The following TNRC6B variants were observed in gnomAD, a reference collection of about 807,000 sequenced individuals.
The protein encoded by TNRC6B is trinucleotide repeat containing adaptor 6B, also known as trinucleotide repeat-containing gene 6B protein.
A neutral mutation model predicts 203.6 loss-of-function variants in TNRC6B; 52 were observed. The observed-to-expected ratio is 0.26, with a 90% CI of 0.20 to 0.32. The LOEUF is 0.32. TNRC6B is among the 10% of genes least tolerant of loss of function. The pLI is 1.00. For synonymous variants in TNRC6B, 838 were observed against 845.7 expected (o/e 0.99, Z 0.16); for missense variants, 1,923 against 2,286.2 (o/e 0.84, Z 3.24).
intron 1 of TNRC6B, among the ~76,000 whole-genome samples, chr22:40,211,825 G>T (rs1375767687): frequency 6.6e-6 from 1 of 152,172 alleles, no homozygotes; most frequent in African/African-American, 2.4e-5. Flanking sequence ...GAGGCTCTGG[G>T]AGGGGGAACC....
chr22:40,149,950 T>A (rs2068733645), intron 3 of TNRC6B, among the ~76,000 whole-genome samples: 2 of 151,966 alleles, frequency 1.3e-5, no homozygotes, highest in African/African-American at 4.8e-5. Flanking sequence ...AGGCATGAGC[T>A]ACTGCACCTG....
chr22:40,123,375 A>C (rs1259118005), intron 2 of TNRC6B, among the ~76,000 whole-genome samples: 1 of 152,236 alleles, frequency 6.6e-6, no homozygotes. Context: ...AAAATAGAAC[A>C]GCCAAATAGG....
rs1383830315 is a variant in TNRC6B at position 40,264,867 on chromosome 22, G to A, written c.637G>A (p.Glu213Lys). The change falls in exon 5 of 23, where the codon GAA becomes AAA. Residue 213 changes from glutamate (E) to lysine (K), a missense_variant. Around this residue, in one of 8 missense-constraint regions of TNRC6B, gnomAD observed 614 missense variants for 587.7 expected, o/e 1.04. Transcript: ENST00000454349. ...CAGCAAAGACACTGAATCTTCTTCC[G>A]AAAACACCACCGATAACAACAGTGC... is the stretch of plus-strand genomic sequence containing the variant. ...IASKDTESSS[E>K]NTTDNNSASN... is the part of the protein sequence containing the mutation. 5.6e-6 allele frequency: 9 copies of A among 1,613,714 alleles called. No individual in the cohort carries two copies. The highest frequency in any genetic ancestry group is 3.3e-5 in the South Asian group (3 of 91,066).
At chr22:40,189,740 A>G (rs738450) in intron 1 of TNRC6B, among the ~76,000 whole-genome samples, 103,316 of 152,008 alleles carry the variant, frequency 0.68, 36,887 homozygotes, top group African/African-American at 0.91. Flanking sequence ...ACTGGAATTG[A>G]GTGTTTCCCA....
At chr22:40,115,385 G>T (rs1189955817) in intron 1 of TNRC6B, among the ~76,000 whole-genome samples, 1 of 152,144 alleles carries the variant, frequency 6.6e-6, no homozygotes, top group Admixed American at 6.5e-5. Context: ...AAGTGCTGAG[G>T]GTCAGACATA....
At chr22:40,099,288 A>T (rs1375446251) in intron 1 of TNRC6B, among the ~76,000 whole-genome samples, 1 of 152,112 alleles carries the variant, frequency 6.6e-6, no homozygotes, top group Non-Finnish European at 1.5e-5. Flanking sequence ...ACATACAGTA[A>T]GGAATATATA....
chr22:40,232,141 A>G (rs2069880507), intron 1 of TNRC6B, among the ~76,000 whole-genome samples: 2 of 152,256 alleles, frequency 1.3e-5, no homozygotes, highest in South Asian at 4.1e-4. Flanking sequence ...GTGAAAAAAC[A>G]GGAGTGTTAG....
intron 1 of TNRC6B, among the ~76,000 whole-genome samples, chr22:40,204,357 AT>A (rs376951481): frequency 2.1e-3 from 313 of 151,902 alleles, no homozygotes; most frequent in African/African-American, 7.1e-3. Flanking sequence ...TGTAGGTTCA[AT>A]TTTTTTTGCC....
chr22:40,059,200 T>C (rs1317932895), intron 1 of TNRC6B, among the ~76,000 whole-genome samples: 1 of 152,232 alleles, frequency 6.6e-6, no homozygotes, highest in East Asian at 1.9e-4. Flanking sequence ...TGCCAATTCA[T>C]TGTCCCCCTT....
At chr22:40,188,808 G>C (rs555898908) in intron 1 of TNRC6B, among the ~76,000 whole-genome samples, 111 of 152,260 alleles carry the variant, frequency 7.3e-4, no homozygotes, top group African/African-American at 2.6e-3. Flanking sequence ...GAATGTTTAT[G>C]CTGAAACAGA....
intron 1 of TNRC6B, among the ~76,000 whole-genome samples, chr22:40,245,068 GACAT>G (rs2070086665): frequency 7.2e-6 from 1 of 139,192 alleles, no homozygotes; most frequent in Admixed American, 7.4e-5. Flanking sequence ...CACCCAATAG[GACAT>G]ACATTTATTT....
chr22:40,284,658 G>C (rs1308407553), intron 11 of TNRC6B, among the ~76,000 whole-genome samples: 8 of 152,178 alleles, frequency 5.3e-5, no homozygotes, highest in Admixed American at 2.6e-4. Context: ...AGTGTGGTTT[G>C]ATGAGTTTTA....
chr22:40,151,561 A>AAAAC (rs1214713793), intron 3 of TNRC6B, among the ~76,000 whole-genome samples: 1 of 19,196 alleles, frequency 5.2e-5, no homozygotes, highest in African/African-American at 2.1e-3. Flanking sequence ...AAGAAAAAAG[A>AAAAC]AAAAAACTAA....
intron 1 of TNRC6B, among the ~76,000 whole-genome samples, chr22:40,178,710 G>A (rs867857978): frequency 1.3e-4 from 20 of 152,166 alleles, no homozygotes; most frequent in African/African-American, 4.8e-4. Flanking sequence ...GGAGGTTTGG[G>A]GTTTGTAGAT....
chr22:40,076,321 A>G (rs1055468694), intron 1 of TNRC6B, among the ~76,000 whole-genome samples: 4 of 152,284 alleles, frequency 2.6e-5, no homozygotes, highest in African/African-American at 9.6e-5. Context: ...GGAGGCTGAG[A>G]TAGATCACTT....
At chr22:40,177,636 G>T (rs2069076591), upstream of TNRC6B, among the ~76,000 whole-genome samples, 1 of 152,180 alleles carries the variant, frequency 6.6e-6, no homozygotes, top group Non-Finnish European at 1.5e-5. Flanking sequence ...GCCAGGAGAA[G>T]ATCCAGGAGC....
chr22:40,299,451 C>T (rs1365956357), intron 12 of TNRC6B, among the ~76,000 whole-genome samples: 1 of 152,150 alleles, frequency 6.6e-6, no homozygotes, highest in Non-Finnish European at 1.5e-5. Flanking sequence ...GTTGGTCAGG[C>T]TGGTCTTGAA....
intron 1 of TNRC6B, among the ~76,000 whole-genome samples, chr22:40,224,640 G>A (rs550958534): frequency 3.3e-5 from 5 of 152,230 alleles, no homozygotes; most frequent in Middle Eastern, 6.8e-3. Flanking sequence ...GTCTTTGTTC[G>A]TTCTGCATTA....
Position 40,335,700 on chromosome 22 carries a change from TATG to T in TNRC6B, c.*12462_*12464del, listed in dbSNP as rs1051422060. 3 of 150,626 alleles carry T rather than the reference TATG, an allele frequency of 2.0e-5. No individual in the cohort carries two copies. Among genetic ancestry groups the T allele is most frequent in the Non-Finnish European group, 4.4e-5 (3 of 67,690 alleles). 9.3% of individuals were successfully genotyped at this position (150,626 alleles called of 1,614,324 possible). On this transcript the variant is annotated 3_prime_UTR_variant, in exon 23 of 23. Coordinates refer to ENST00000454349, the MANE Select transcript of TNRC6B (RefSeq NM_001162501.2). ...TTTATTTTATTTTATTTTGGAAAGA[TATG>T]ATTGTATTATGTGCAACTCAGTTGC...
Sources: gnomAD v4.1 joint callset for allele counts (sites outside exome capture counted in the v4.1 genomes callset) on GRCh38, gnomAD v4.1.1 for gene constraint, gnomAD v4.1.1 regional missense constraint, MANE v1.5 for transcripts, NCBI Gene and HGNC (gene_info 2026-07-23, HGNC 2026-07-21) for gene names.